The following FAM81B variants were observed in gnomAD, a reference collection of about 807,000 sequenced individuals.
FAM81B encodes the protein family with sequence similarity 81 member B, also known as protein FAM81B.
In FAM81B, 60 loss-of-function variants were observed where a neutral mutation model predicts 58.7. The ratio of observed to expected loss-of-function variants is 1.02; its 90% confidence interval spans 0.83 to 1.27. FAM81B has a LOEUF of 1.27. Ranked by LOEUF, FAM81B falls within the 50% of genes most tolerant of loss-of-function variation. The pLI is 0.00. For synonymous variants in FAM81B, 189 were observed against 179.6 expected, an observed-to-expected ratio of 1.05 and a Z score of -0.42; for missense variants, 491 against 522.0, an observed-to-expected ratio of 0.94 and a Z score of 0.58.
intron 7 of FAM81B, among the ~76,000 whole-genome samples, chr5:95,438,058 G>A (rs73141965): frequency 0.16 from 24,859 of 152,022 alleles, 3,224 homozygotes; most frequent in African/African-American, 0.36. Context: ...CAATTAAACC[G>A]TAGCATATCA....
chr5:95,422,228 GA>G (rs1405075944), intron 5 of FAM81B, among the ~76,000 whole-genome samples: 1 of 151,492 alleles, frequency 6.6e-6, no homozygotes, highest in East Asian at 1.9e-4. Flanking sequence ...ACATATGGTT[GA>G]AAAACACTCA....
At chr5:95,438,263 G>A (rs917868099) in intron 7 of FAM81B, among the ~76,000 whole-genome samples, 1 of 152,142 alleles carries the variant, frequency 6.6e-6, no homozygotes, top group Middle Eastern at 3.2e-3. Flanking sequence ...GGTGTTCAGT[G>A]AGTAGCTAAT....
At chr5:95,426,094 G>GTATATATATATATATATATATATATA (rs57076025) in intron 5 of FAM81B, among the ~76,000 whole-genome samples, 5 of 120,182 alleles carry the variant, frequency 4.2e-5, no homozygotes, top group East Asian at 4.5e-4. Context: ...ATCTCTGTGT[G>GTATATATATATATATATATATATATA]TATATATATA....
intron 7 of FAM81B, among the ~76,000 whole-genome samples, chr5:95,438,888 T>C (rs1227497059): frequency 6.6e-6 from 1 of 151,340 alleles, no homozygotes; most frequent in Non-Finnish European, 1.5e-5. Context: ...CTCAATTTCC[T>C]CCTTGTTAAT....
chr5:95,412,309 G>C (rs182707856), intron 3 of FAM81B, among the ~76,000 whole-genome samples: 5 of 151,756 alleles, frequency 3.3e-5, no homozygotes, highest in Non-Finnish European at 7.4e-5. Flanking sequence ...TGCTGTTTTC[G>C]GTACACAGAA....
intron 4 of FAM81B, among the ~76,000 whole-genome samples, chr5:95,416,852 G>A (rs1762550753): frequency 1.3e-5 from 2 of 152,076 alleles, no homozygotes; most frequent in South Asian, 4.2e-4. Flanking sequence ...GAACAGCCTG[G>A]GTAACATAGT....
chr5:95,434,972 T>C (rs1303922581), intron 6 of FAM81B, among the ~76,000 whole-genome samples: 1 of 152,130 alleles, frequency 6.6e-6, no homozygotes. Flanking sequence ...GAAGAAAAAT[T>C]GGGAGGGAGA....
intron 9 of FAM81B, among the ~76,000 whole-genome samples, chr5:95,449,098 G>T (rs1192689466): frequency 6.6e-6 from 1 of 152,182 alleles, no homozygotes; most frequent in Non-Finnish European, 1.5e-5. Context: ...GAATTACCAG[G>T]ACTCAGAAGA....
chr5:95,442,458 A>C (rs961849900), intron 7 of FAM81B, among the ~76,000 whole-genome samples: 2 of 152,230 alleles, frequency 1.3e-5, no homozygotes, highest in African/African-American at 4.8e-5. Context: ...AGGACATATA[A>C]AATCATGGAG....
intron 5 of FAM81B, among the ~76,000 whole-genome samples, chr5:95,427,318 T>C (rs1056111280): frequency 3.3e-5 from 5 of 152,150 alleles, no homozygotes; most frequent in African/African-American, 1.2e-4. Flanking sequence ...ATTCTGACAA[T>C]GACAGTTTGT....
chr5:95,420,911 C>CATCAA (rs1391664093), intron 5 of FAM81B, among the ~76,000 whole-genome samples: 1 of 152,202 alleles, frequency 6.6e-6, no homozygotes, highest in Non-Finnish European at 1.5e-5. Flanking sequence ...CTGGCAGACA[C>CATCAA]ATCAAAGATG....
chr5:95,396,264 A>C (rs1761964581), intron 3 of FAM81B, 89 bp downstream of exon 3: 3 of 1,007,574 alleles, frequency 3.0e-6, no homozygotes, highest in Non-Finnish European at 4.4e-6. Flanking sequence ...TCCTGTGTTT[A>C]ATTATTCAGT....
Position 95,446,607 on chromosome 5 carries a change from T to C in FAM81B, c.939T>C (p.Asn313=). Residue 313 remains asparagine, a synonymous_variant, in exon 8 of 10, where the codon AAT becomes AAC. Transcript: ENST00000283357. ...SSNLYEEVEN[N]KKWTENQFLK... ...ATCTGTACGAAGAAGTTGAGAATAATAAAAAATGGACAGAAAACCAATTTC... is the reference window on the plus strand; with the variant it reads ...ATCTGTACGAAGAAGTTGAGAATAACAAAAAATGGACAGAAAACCAATTTC... 1 of 1,612,402 alleles carries C rather than the reference T, an allele frequency of 6.2e-7. No homozygotes were observed. The highest frequency in any genetic ancestry group is 1.3e-5 in the African/African-American group (1 of 74,870).
intron 5 of FAM81B, among the ~76,000 whole-genome samples, chr5:95,424,448 TAA>T (rs201540055): frequency 7.6e-4 from 102 of 134,468 alleles, no homozygotes; most frequent in East Asian, 3.0e-3. Context: ...ACAAAGAATT[TAA>T]AAAAAAAAAA....
At chr5:95,433,831 C>G (rs2152768110) in intron 6 of FAM81B, among the ~76,000 whole-genome samples, 1 of 152,192 alleles carries the variant, frequency 6.6e-6, no homozygotes, top group East Asian at 1.9e-4. Context: ...TATCAGACTT[C>G]CATTTCACCT....
intron 3 of FAM81B, among the ~76,000 whole-genome samples, chr5:95,406,797 T>C (rs962075530): frequency 2.0e-5 from 3 of 152,122 alleles, no homozygotes; most frequent in Non-Finnish European, 4.4e-5. Context: ...GTCAAAACCA[T>C]AGTCAGCCCG....
intron 6 of FAM81B, among the ~76,000 whole-genome samples, chr5:95,429,628 ACT>A (rs376545908): frequency 2.6e-5 from 4 of 151,960 alleles, no homozygotes; most frequent in East Asian, 3.9e-4. Context: ...TAATTTTTAA[ACT>A]CTCTTTGTTT....
intron 7 of FAM81B, among the ~76,000 whole-genome samples, chr5:95,444,837 T>C (rs574375937): frequency 6.6e-6 from 1 of 152,318 alleles, no homozygotes; most frequent in Admixed American, 6.5e-5. Flanking sequence ...AGTCAGGTTT[T>C]CTCAGTGTCG....
At chr5:95,426,660 C>G (rs1174444417) in intron 5 of FAM81B, among the ~76,000 whole-genome samples, 1 of 152,116 alleles carries the variant, frequency 6.6e-6, no homozygotes, top group African/African-American at 2.4e-5. Context: ...CTCCTGGAGT[C>G]GTGTGGTAGA....
Sources: gnomAD v4.1 joint callset for allele counts (sites outside exome capture counted in the v4.1 genomes callset) on GRCh38, gnomAD v4.1.1 for gene constraint, MANE v1.5 for transcripts, NCBI Gene and HGNC (gene_info 2026-07-23, HGNC 2026-07-21) for gene names.